The following SLC16A8 variants were observed in gnomAD, a reference collection of about 807,000 sequenced individuals.
SLC16A8 encodes the protein solute carrier family 16 member 8.
Under a neutral mutation model 22.4 loss-of-function variants are expected in SLC16A8, and 20 were observed. The observed-to-expected ratio is 0.89, with a 90% CI of 0.63 to 1.30. The LOEUF (loss-of-function observed/expected upper bound fraction) is 1.30, where lower values mean the gene tolerates loss of function less well. Among genes scored for constraint, SLC16A8 ranks in the 50% most tolerant of loss-of-function variants. The pLI, the probability that SLC16A8 is intolerant of heterozygous loss-of-function variation, is 0.00. For synonymous variants in SLC16A8, 393 were observed against 358.8 expected, an observed-to-expected ratio of 1.10 and a Z score of -1.08; for missense variants, 817 against 740.3, an observed-to-expected ratio of 1.10 and a Z score of -1.20.
chr22:38,082,006 G>C lies in SLC16A8; in HGVS notation c.241C>G (p.Arg81Gly). ...TGPVSSILVT[R>G]FGCRPVMLAG... ...AGCATCACCGGGCGACAGCCAAAGC[G>C]GGTCACGAGGATGCTGGACACGGGG... The change falls in exon 4 of 6, where the codon CGC becomes GGC. Residue 81 changes from arginine to glycine, a missense_variant. Transcript: ENST00000681075. 1.3e-6 allele frequency: 2 copies of C among 1,578,760 alleles called. No homozygotes were observed. The highest frequency in any genetic ancestry group is 2.3e-5 in the East Asian group (1 of 42,880).
rs1396334231 is a variant in SLC16A8 at position 38,081,362 on chromosome 22, C to T, written c.676G>A (p.Gly226Arg). ...APGEAEADGA[G>R]LQLREASPRV... ...GGGGATGCCTCGCGCAGCTGCAGCC[C>T]CGCACCGTCAGCCTCCGCCTCGCCC... The change falls in exon 5 of 6, where the codon GGG becomes AGG. Residue 226 changes from glycine (G) to arginine (R), a missense_variant. Gly to Arg is a moderately radical substitution (Grantham distance 125, BLOSUM62 -2). Coordinates refer to ENST00000681075, the MANE Select transcript of SLC16A8 (RefSeq NM_013356.3). The T allele has an allele frequency of 2.1e-6, 3 of 1,438,218 alleles. No individual in the cohort carries two copies. The highest frequency in any genetic ancestry group is 5.7e-5 in the Admixed American group (2 of 35,392). The allele number at this position is 1,438,218 out of a possible 1,614,324, so 89.1% of individuals were successfully genotyped here. A position where few individuals can be genotyped will look rare whatever the true frequency, so the allele number is the denominator to read the frequency against.
rs1346623130 is a variant in SLC16A8 at position 38,081,143 on chromosome 22, C to T, written c.895G>A (p.Asp299Asn). 8 of 1,545,862 alleles carry T rather than the reference C, an allele frequency of 5.2e-6. No homozygotes were observed. The South Asian group carries it at 8.3e-5, about 16-fold the overall frequency. ...CCGCACGCCGGGCGCGCCACGATGT[C>T]CACGAAGCCCACGATGGACAGCAGG... ...AFLLSIVGFVDIVARPACGAL... is the reference protein window; with the variant it reads ...AFLLSIVGFVNIVARPACGAL... The change falls in exon 5 of 6, where the codon GAC becomes AAC. Residue 299 changes from aspartate (D) to asparagine (N), a missense_variant. Physicochemically the swap from Asp to Asn is conservative, Grantham distance 23. Coordinates refer to ENST00000681075, the MANE Select transcript of SLC16A8 (RefSeq NM_013356.3).
chr22:38,080,240 T>A (rs1278366189), intron 5 of SLC16A8, among the ~76,000 whole-genome samples: 4 of 152,140 alleles, frequency 2.6e-5, no homozygotes, highest in Non-Finnish European at 5.9e-5. Flanking sequence ...TGCCTTCACC[T>A]GGGGGATATT....
intron 5 of SLC16A8, among the ~76,000 whole-genome samples, chr22:38,079,138 T>G (rs375349379): frequency 6.6e-6 from 1 of 152,180 alleles, no homozygotes; most frequent in South Asian, 2.1e-4. Flanking sequence ...CTCCCACCCC[T>G]CTGTCCCAGG....
At position 38,082,726 on chromosome 22, in the gene SLC16A8, A is replaced by G. The variant is rs1220415145; in HGVS notation, c.148T>C (p.Phe50Leu). The change falls in exon 3 of 6, where the codon TTC becomes CTC. Residue 50 changes from phenylalanine to leucine, a missense_variant. Physicochemically the swap from Phe to Leu is conservative, Grantham distance 22. Transcript: ENST00000681075. ...GCCGTGTCGCTGTAGCCGGCGTCGA[A>G]GTCGCGCATGAGCGCGCGGAAGAAG... The part of the protein sequence containing the change: ...SVFFRALMRD[F>L]DAGYSDTAWV... 2 of 1,592,910 alleles carry G rather than the reference A, an allele frequency of 1.3e-6. No homozygotes were observed. Among genetic ancestry groups the G allele is most frequent in the South Asian group, 2.3e-5 (2 of 88,468 alleles).
chr22:38,083,135 G>A lies in SLC16A8; in HGVS notation c.-102C>T, dbSNP rs2085946590. The A allele has an allele frequency of 2.0e-6, 1 of 506,972 alleles. No individual in the cohort carries two copies. The highest frequency in any genetic ancestry group is 1.9e-5 in the African/African-American group (1 of 51,924). The allele number at this position is 506,972 out of a possible 1,614,324, so 31.4% of individuals were successfully genotyped here. Reference sequence around the variant, plus strand: ...GCACCTCTGCAGGCTCCCTCTGAAGGACAACTGCTGGCCCCTCAGGGCCTC... The same window carrying A: ...GCACCTCTGCAGGCTCCCTCTGAAGAACAACTGCTGGCCCCTCAGGGCCTC... On this transcript the variant is annotated 5_prime_UTR_variant, in exon 2 of 6. Coordinates refer to ENST00000681075, the MANE Select transcript of SLC16A8 (RefSeq NM_013356.3).
Position 38,083,108 on chromosome 22 carries a change from C to T in SLC16A8, c.-75G>A. ...GGAGGACGACGGGTCCCACCTGACT[C>T]TGCACCTCTGCAGGCTCCCTCTGAA... On this transcript the variant is annotated 5_prime_UTR_variant, in exon 2 of 6. Transcript: ENST00000681075. 1 of 562,802 alleles carries T rather than the reference C, an allele frequency of 1.8e-6. No homozygotes were observed. Among genetic ancestry groups the T allele is most frequent in the Non-Finnish European group, 3.2e-6 (1 of 314,910 alleles). 34.9% of individuals were successfully genotyped at this position (562,802 alleles called of 1,614,324 possible). A position where few individuals can be genotyped will look rare whatever the true frequency, so the allele number is the denominator to read the frequency against.
chr22:38,082,849 C>G lies in SLC16A8; in HGVS notation c.25G>C (p.Gly9Arg), dbSNP rs1555959687. 6.4e-7 allele frequency: 1 copy of G among 1,557,838 alleles called. No individual in the cohort carries two copies. The highest frequency in any genetic ancestry group is 8.6e-7 in the Non-Finnish European group (1 of 1,156,606). The change falls in exon 3 of 6, where the codon GGC (glycine) becomes CGC (arginine). Residue 9 changes from glycine to arginine, a missense_variant. By Grantham distance (125) the Gly-to-Arg change is moderately radical. Transcript: ENST00000681075. MGAGGPRRGEGPPDGGWGW... is the reference protein window; with the variant it reads MGAGGPRRREGPPDGGWGW... ...CAGCCGCCGTCTGGGGGGCCCTCGC[C>G]CCGCCGGGGGCCGCCAGCGCCCATC...
Position 38,083,559 on chromosome 22 carries a change from GGA to G in SLC16A8, c.-328-200_-328-199del, listed in dbSNP as rs142843072. 6.1e-3 allele frequency among the ~76,000 whole-genome samples: 929 copies of G among 152,314 alleles called. 10 individuals carry two copies. The highest frequency in any genetic ancestry group is 0.021 in the African/African-American group (888 of 41,562). ...CCCGAGGCCAGCTGGGAATCTTGCGGGAGAGGAGTCAGGTCTCTGGCTTCTGC... is the reference window on the plus strand; with the variant it reads ...CCCGAGGCCAGCTGGGAATCTTGCGGGAGGAGTCAGGTCTCTGGCTTCTGC... On this transcript the variant is annotated intron_variant, in intron 1 of 5. Coordinates refer to ENST00000681075, the MANE Select transcript of SLC16A8 (RefSeq NM_013356.3).
At position 38,078,706 on chromosome 22, in the gene SLC16A8, TG is replaced by T; in HGVS notation, c.1199-3del. 1 of 1,601,664 alleles carries T rather than the reference TG, an allele frequency of 6.2e-7. No individual in the cohort carries two copies. The highest frequency in any genetic ancestry group is 8.5e-7 in the Non-Finnish European group (1 of 1,169,890). ...TCTTCAACACATCCACCAGGCGGCCTGGGGAGGAGGAGGAAGAGGAGGGAGA... is the reference window on the plus strand; with the variant it reads ...TCTTCAACACATCCACCAGGCGGCCTGGGAGGAGGAGGAAGAGGAGGGAGA... On this transcript the variant is annotated splice_polypyrimidine_tract_variant and splice_region_variant and intron_variant, in intron 5 of 5. Transcript: ENST00000681075.
Position 38,081,451 on chromosome 22 carries a change from G to A in SLC16A8, c.587C>T (p.Pro196Leu), listed in dbSNP as rs2085916465. 1.6e-6 allele frequency: 2 copies of A among 1,288,812 alleles called. No homozygotes were observed. The highest frequency in any genetic ancestry group is 2.6e-5 in the South Asian group (1 of 38,088). The allele number at this position is 1,288,812 out of a possible 1,614,324, so 79.8% of individuals were successfully genotyped here. ...HCCACGAVMRPPPGPGPRPRR... is the reference protein window; with the variant it reads ...HCCACGAVMRLPPGPGPRPRR... ...CGGTCGCGGGCCCGGCCCGGGCGGC[G>A]GCCTCATGACAGCCCCGCAGGCGCA... The change falls in exon 5 of 6, where the codon CCG becomes CTG. Residue 196 changes from proline (P) to leucine (L), a missense_variant. Pro to Leu is a moderately conservative substitution (Grantham distance 98, BLOSUM62 -3). Transcript: ENST00000681075.
In SLC16A8 at chr22:38,083,181, T is replaced by C. The variant is rs1193309559; in HGVS notation, c.-148A>G. On this transcript the variant is annotated 5_prime_UTR_variant, in exon 2 of 6. Transcript: ENST00000681075. Reference sequence around the variant, plus strand: ...GCCTCAGGTGGAAGGCGTCGGGAAGTGGAGCAGGTATGTGCCTGGAGGTGG... The same window carrying C: ...GCCTCAGGTGGAAGGCGTCGGGAAGCGGAGCAGGTATGTGCCTGGAGGTGG... 1 of 414,584 alleles carries C rather than the reference T, an allele frequency of 2.4e-6. No individual in the cohort carries two copies. Among genetic ancestry groups the C allele is most frequent in the Non-Finnish European group, 4.4e-6 (1 of 229,288 alleles). 25.7% of individuals were successfully genotyped at this position (414,584 alleles called of 1,614,324 possible).
At chr22:38,081,822 A>G in intron 4 of SLC16A8, 67 bp downstream of exon 4, 1 of 1,523,614 alleles carries the variant, frequency 6.6e-7, no homozygotes. Context: ...AGGGAAACCG[A>G]GGACAGATCT....
In SLC16A8 at chr22:38,078,152, C is replaced by T. The variant is rs1172962892; in HGVS notation, c.*236G>A. 1 of 514,490 alleles carries T rather than the reference C, an allele frequency of 1.9e-6. No individual in the cohort carries two copies. The highest frequency in any genetic ancestry group is 3.0e-5 in the East Asian group (1 of 32,840). 31.9% of individuals were successfully genotyped at this position (514,490 alleles called of 1,614,324 possible). On this transcript the variant is annotated 3_prime_UTR_variant, in exon 6 of 6. Transcript: ENST00000681075. Reference sequence around the variant, plus strand: ...TAGAACCTTCTGTCGTTCAGCTGAGCTTTATCACCAGTTTCCTGTTGCTCC... The same window carrying T: ...TAGAACCTTCTGTCGTTCAGCTGAGTTTTATCACCAGTTTCCTGTTGCTCC...
chr22:38,081,732 C>G, intron 4 of SLC16A8, 53 bp from the exon 5 acceptor site: 1 of 1,456,760 alleles, frequency 6.9e-7, no homozygotes. Context: ...CTCCCTGGCC[C>G]CCACAGGAGG....
Position 38,082,688 on chromosome 22 carries a change from G to T in SLC16A8, c.186C>A (p.Ser62=). The T allele has an allele frequency of 6.3e-7, 1 of 1,587,914 alleles. No individual in the cohort carries two copies. Among genetic ancestry groups the T allele is most frequent in the Non-Finnish European group, 8.6e-7 (1 of 1,169,022 alleles). Residue 62 remains serine (S), a synonymous_variant, in exon 3 of 6, where the codon TCC becomes TCA. Coordinates refer to ENST00000681075, the MANE Select transcript of SLC16A8 (RefSeq NM_013356.3). ...AGYSDTAWVS[S]IMLAMLYGTG... is the part of the protein sequence containing the mutation. Reference sequence around the variant, plus strand: ...TGCCGTAGAGCATGGCTAGCATGATGGAGGACACCCAGGCCGTGTCGCTGT... The same window carrying T: ...TGCCGTAGAGCATGGCTAGCATGATTGAGGACACCCAGGCCGTGTCGCTGT...
rs77968014 is a variant in SLC16A8, at chr22:38,082,659, C to G, written c.214+1G>C. The stretch of plus-strand genomic sequence containing the variant: ...GCGGAGGGCCGGGCGGGGACACTGA[C>G]CCGTGCCGTAGAGCATGGCTAGCAT... On this transcript the variant is annotated splice_donor_variant, in intron 3 of 5. Transcript: ENST00000681075. LOFTEE classifies it high-confidence loss of function. 7.7e-3 allele frequency: 12,079 copies of G among 1,566,354 alleles called. 61 individuals are homozygous for G. The highest frequency in any genetic ancestry group is 9.6e-3 in the Non-Finnish European group (11,113 of 1,157,278).
chr22:38,083,057 C>T lies in SLC16A8; in HGVS notation c.-24G>A, dbSNP rs2085945596. 6.8e-6 allele frequency: 4 copies of T among 592,314 alleles called. No individual in the cohort carries two copies. The Admixed American group carries it at 1.2e-4, about 18-fold the overall frequency. 36.7% of individuals were successfully genotyped at this position (592,314 alleles called of 1,614,324 possible). On this transcript the variant is annotated 5_prime_UTR_variant, in exon 2 of 6. Transcript: ENST00000681075. ...GGACTCTCACCCCAAGTCTCCTTCT[C>T]CTGCAAAGGGCGCTGAAGGACGAGG...
chr22:38,081,126 C>T lies in SLC16A8; in HGVS notation c.912G>A (p.Pro304=), dbSNP rs942865800. 21 of 1,543,562 alleles carry T rather than the reference C, an allele frequency of 1.4e-5. No homozygotes were observed. The Admixed American group carries it at 3.3e-4, about 24-fold the overall frequency. ...CCAGGCCCGCCAGGGCGCCGCACGC[C>T]GGGCGCGCCACGATGTCCACGAAGC... ...IVGFVDIVAR[P]ACGALAGLAR... is the part of the protein sequence containing the mutation. Residue 304 remains proline, a synonymous_variant, in exon 5 of 6, where the codon CCG becomes CCA. Transcript: ENST00000681075.
Sources: gnomAD v4.1 joint callset for allele counts (sites outside exome capture counted in the v4.1 genomes callset) on GRCh38, gnomAD v4.1.1 for gene constraint, MANE v1.5 for transcripts, NCBI Gene and HGNC (gene_info 2026-07-23, HGNC 2026-07-21) for gene names.